PHLDB2: variants seen among roughly 807,000 people sequenced by gnomAD.
PHLDB2 encodes pleckstrin homology-like domain family B member 2.
In PHLDB2, 71 loss-of-function variants were observed where a neutral mutation model predicts 123.6. The observed-to-expected ratio is 0.57, with a 90% CI of 0.47 to 0.70. PHLDB2 has a LOEUF of 0.70. PHLDB2 is among the 30% of genes least tolerant of loss of function. The probability of loss-of-function intolerance (pLI) is 0.00; values close to 1 mark genes in which losing one functional copy is unlikely to be tolerated. For synonymous variants in PHLDB2, 547 were observed against 541.6 expected (o/e 1.01, Z -0.14); for missense variants, 1,446 against 1,519.5 (o/e 0.95, Z 0.80).
intron 8 of PHLDB2, among the ~76,000 whole-genome samples, chr3:111,941,137 T>C (rs1402670252): frequency 6.6e-6 from 1 of 152,180 alleles, no homozygotes; most frequent in Non-Finnish European, 1.5e-5. Context: ...AGAAACTCCA[T>C]ATGGTATGGT....
rs1559855210 is a variant in PHLDB2 at position 111,831,009 on chromosome 3, G to GAAAGAAAGAAAGA, written c.-48-14809_-48-14797dup. 3.8e-4 allele frequency among the ~76,000 whole-genome samples: 38 copies of GAAAGAAAGAAAGA among 100,134 alleles called. 2 individuals are homozygous for GAAAGAAAGAAAGA. The highest frequency in any genetic ancestry group is 3.5e-4 in the Non-Finnish European group (19 of 53,812). The allele number at this position is 100,134 out of a possible 152,430, so 65.7% of individuals were successfully genotyped here. On this transcript the variant is annotated intron_variant, in intron 1 of 17. Transcript: ENST00000393923. Reference sequence around the variant, plus strand: ...AGAAAGAAAGAAAGAAAGAAAGAAAGAAAGAAAGAAAGAAAGAAAGAAAGG... The same window carrying GAAAGAAAGAAAGA: ...AGAAAGAAAGAAAGAAAGAAAGAAAGAAAGAAAGAAAGAAAAGAAAGAAAGAAAGAAAGAAAGG...
At chr3:111,920,793 G>GTGGGCAATT (rs1394230604) in intron 5 of PHLDB2, among the ~76,000 whole-genome samples, 1 of 152,088 alleles carries the variant, frequency 6.6e-6, no homozygotes, top group Non-Finnish European at 1.5e-5. Context: ...TGCCCTGTAG[G>GTGGGCAATT]GATGGCTTAA....
chr3:111,756,720 G>T (rs2059896824), intron 1 of PHLDB2, among the ~76,000 whole-genome samples: 1 of 152,174 alleles, frequency 6.6e-6, no homozygotes, highest in African/African-American at 2.4e-5. Context: ...TTGCTCGTTA[G>T]TGGATGCAGT....
intron 1 of PHLDB2, among the ~76,000 whole-genome samples, chr3:111,864,068 A>T (rs112991918): frequency 6.6e-6 from 1 of 152,204 alleles, no homozygotes; most frequent in Non-Finnish European, 1.5e-5. Flanking sequence ...GAAAAGTGTT[A>T]AGATAGTTTC....
intron 1 of PHLDB2, among the ~76,000 whole-genome samples, chr3:111,779,450 C>T (rs2060328855): frequency 6.6e-6 from 1 of 151,954 alleles, no homozygotes; most frequent in South Asian, 2.1e-4. Context: ...ATCTTTATGT[C>T]CATGTGTACC....
At chr3:111,949,313 G>A (rs1221246047) in intron 10 of PHLDB2, among the ~76,000 whole-genome samples, 1 of 149,626 alleles carries the variant, frequency 6.7e-6, no homozygotes, top group Non-Finnish European at 1.5e-5. Context: ...GGAGAAGTAA[G>A]TCAAAGAAAT....
At chr3:111,928,435 C>G (rs2068930953) in intron 5 of PHLDB2, among the ~76,000 whole-genome samples, 1 of 152,186 alleles carries the variant, frequency 6.6e-6, no homozygotes, top group Admixed American at 6.5e-5. Context: ...TTTTAAAATG[C>G]TTGTTACTAA....
intron 1 of PHLDB2, among the ~76,000 whole-genome samples, chr3:111,841,795 G>A (rs2063711491): frequency 1.3e-5 from 2 of 152,210 alleles, no homozygotes; most frequent in Non-Finnish European, 2.9e-5. Flanking sequence ...TCATTAGACT[G>A]TAGAGGTAGA....
chr3:111,878,275 G>C (rs147818333), intron 1 of PHLDB2, among the ~76,000 whole-genome samples: 2 of 152,178 alleles, frequency 1.3e-5, no homozygotes, highest in Non-Finnish European at 2.9e-5. Context: ...CACATCCCTT[G>C]TAAGTTGGAT....
At chr3:111,826,473 A>C (rs2062659076) in intron 1 of PHLDB2, among the ~76,000 whole-genome samples, 1 of 152,150 alleles carries the variant, frequency 6.6e-6, no homozygotes, top group African/African-American at 2.4e-5. Flanking sequence ...CTTTACATCT[A>C]GAAAGTGTAG....
In PHLDB2 at chr3:111,886,602, G is replaced by A. The variant is rs367791322; in HGVS notation, c.1335+1190G>A. 4.5e-4 allele frequency among the ~76,000 whole-genome samples: 68 copies of A among 152,282 alleles called. No homozygotes were observed. The East Asian group carries it at 5.2e-3, about 12-fold the overall frequency. ...TTTGCATCCATCCAGAAGGAAATACGTTTGACATTTTAGAGCAGTAATCAT... is the reference window on the plus strand; with the variant it reads ...TTTGCATCCATCCAGAAGGAAATACATTTGACATTTTAGAGCAGTAATCAT... On this transcript the variant is annotated intron_variant, in intron 2 of 17. Transcript: ENST00000431670.
chr3:111,887,634 A>G (rs369568563), intron 2 of PHLDB2, among the ~76,000 whole-genome samples: 2 of 152,330 alleles, frequency 1.3e-5, no homozygotes, highest in South Asian at 4.1e-4. Context: ...AAAATAAAAC[A>G]TTAAAAATAA....
intron 1 of PHLDB2, among the ~76,000 whole-genome samples, chr3:111,767,188 G>A (rs996321934): frequency 3.9e-5 from 6 of 152,160 alleles, no homozygotes; most frequent in Non-Finnish European, 8.8e-5. Flanking sequence ...GGTAGTCTGG[G>A]TGTCTCTGAT....
intron 1 of PHLDB2, among the ~76,000 whole-genome samples, chr3:111,777,443 A>G (rs778839914): frequency 7.2e-5 from 11 of 152,068 alleles, no homozygotes; most frequent in Non-Finnish European, 1.3e-4. Flanking sequence ...TTAGGCTCAG[A>G]ATTTATGGTA....
intron 2 of PHLDB2, among the ~76,000 whole-genome samples, chr3:111,907,060 A>G (rs1282959): frequency 0.022 from 3,414 of 152,322 alleles, 125 homozygotes; most frequent in African/African-American, 0.077. Flanking sequence ...ACTTTTATAT[A>G]CAAATGAGAT....
At chr3:111,958,971 G>T (rs535731847) in intron 12 of PHLDB2, among the ~76,000 whole-genome samples, 1 of 152,366 alleles carries the variant, frequency 6.6e-6, no homozygotes, top group African/African-American at 2.4e-5. Flanking sequence ...AATAAATGGA[G>T]GTAAACTGTG....
intron 6 of PHLDB2, among the ~76,000 whole-genome samples, chr3:111,936,743 G>C (rs2069515408): frequency 6.6e-6 from 1 of 152,148 alleles, no homozygotes; most frequent in Admixed American, 6.5e-5. Context: ...TATATTCTGA[G>C]TCATATGGCC....
rs5851789 is a variant in PHLDB2 at position 111,818,165 on chromosome 3, G to GGTGTGTGTGTGTGT, written c.-48-27637_-48-27624dup. ...TTAAAAAGAAATTTTTTAAAAAACT[G>GGTGTGTGTGTGTGT]GTGTGTGTGTGTGTGTGTGTGTGTG... On this transcript the variant is annotated intron_variant, in intron 1 of 17. Transcript: ENST00000393923. Among the ~76,000 whole-genome samples, 370 of 147,700 alleles carry GGTGTGTGTGTGTGT rather than the reference G, an allele frequency of 2.5e-3. 3 individuals are homozygous for GGTGTGTGTGTGTGT. The highest frequency in any genetic ancestry group is 7.1e-3 in the African/African-American group (285 of 40,088).
intron 1 of PHLDB2, among the ~76,000 whole-genome samples, chr3:111,870,645 C>G (rs758942891): frequency 3.3e-5 from 5 of 151,196 alleles, no homozygotes; most frequent in African/African-American, 4.9e-5. Flanking sequence ...TTTTTTCCTT[C>G]AATCCTCTGA....
Sources: gnomAD v4.1 joint callset for allele counts (sites outside exome capture counted in the v4.1 genomes callset) on GRCh38, gnomAD v4.1.1 for gene constraint, MANE v1.5 for transcripts, NCBI Gene and HGNC (gene_info 2026-07-23, HGNC 2026-07-21) for gene names.